Variants in IRAK3 observed in about 807,000 individuals in gnomAD.
IRAK3 encodes interleukin 1 receptor associated kinase 3.
IRAK3 carries 57 observed loss-of-function variants against 56.6 expected under a neutral mutation model. The ratio of observed to expected loss-of-function variants is 1.01; its 90% CI spans 0.81 to 1.26. The LOEUF (loss-of-function observed/expected upper bound fraction) is 1.26. IRAK3 is among the 50% of genes most tolerant of loss of function. The pLI is 0.00. For synonymous variants in IRAK3, 258 were observed against 255.7 expected, an observed-to-expected ratio of 1.01 and a Z score of -0.09; for missense variants, 703 against 719.0, an observed-to-expected ratio of 0.98 and a Z score of 0.25.
At chr12:66,231,307 T>G (rs868823790) in intron 8 of IRAK3, among the ~76,000 whole-genome samples, 1 of 151,786 alleles carries the variant, frequency 6.6e-6, no homozygotes, top group Non-Finnish European at 1.5e-5. Context: ...AAGCCAGGAG[T>G]TCAAGACCAG....
chr12:66,241,098 G>A (rs1370712758), intron 8 of IRAK3, among the ~76,000 whole-genome samples: 1 of 152,056 alleles, frequency 6.6e-6, no homozygotes, highest in Non-Finnish European at 1.5e-5. Flanking sequence ...AATTGTCCTA[G>A]AGACCCCTAC....
Position 66,248,114 on chromosome 12 carries a change from G to T in IRAK3, c.1734G>T (p.Glu578Asp). 1 of 1,611,386 alleles carries T rather than the reference G, an allele frequency of 6.2e-7. No individual in the cohort carries two copies. The highest frequency in any genetic ancestry group is 8.5e-7 in the Non-Finnish European group (1 of 1,178,922). Residue 578 changes from glutamate to aspartate, a missense_variant, in exon 12 of 12, where the codon GAG becomes GAT. By Grantham distance (45) the Glu-to-Asp change is conservative. Transcript: ENST00000261233. ...ATTCTTGCAGGAGCAGGCCAGTGGAGAGCAGCTGTTCCTCCAAATTTTCCT... is the reference window on the plus strand; with the variant it reads ...ATTCTTGCAGGAGCAGGCCAGTGGATAGCAGCTGTTCCTCCAAATTTTCCT... ...PGHSCRSRPVESSCSSKFSWD... is the reference protein window; with the variant it reads ...PGHSCRSRPVDSSCSSKFSWD...
rs1343642050 is a variant in IRAK3 at position 66,244,524 on chromosome 12, T to G, written c.926T>G (p.Leu309Arg). The G allele has an allele frequency of 1.2e-6, 2 of 1,614,184 alleles. No individual in the cohort carries two copies. Among genetic ancestry groups the G allele is most frequent in the Non-Finnish European group, 1.7e-6 (2 of 1,179,992 alleles). The change falls in exon 9 of 12, where the codon CTA becomes CGA. Residue 309 changes from leucine (L) to arginine (R), a missense_variant. By Grantham distance (102) the Leu-to-Arg change is moderately radical. Coordinates refer to ENST00000261233, the MANE Select transcript of IRAK3 (RefSeq NM_007199.3). Reference protein sequence around the residue: ...ILLDDQFQPKLTDFAMAHFRS... With the variant: ...ILLDDQFQPKRTDFAMAHFRS... ...TTGGATGATCAGTTTCAACCCAAAC[T>G]AACTGATTTTGCCATGGCACACTTC...
In IRAK3 at chr12:66,244,499, T is replaced by G; in HGVS notation, c.901T>G (p.Leu301Val). Residue 301 changes from leucine (L) to valine (V), a missense_variant, in exon 9 of 12, where the codon TTG becomes GTG. Leu to Val is a conservative substitution (Grantham distance 32). Coordinates refer to ENST00000261233, the MANE Select transcript of IRAK3 (RefSeq NM_007199.3). The stretch of plus-strand genomic sequence containing the variant: ...TCACAATTTTAGTGCAAACATCCTT[T>G]TGGATGATCAGTTTCAACCCAAACT... ...CGSISSANIL[L>V]DDQFQPKLTD... 6.2e-7 allele frequency: 1 copy of G among 1,613,996 alleles called. No homozygotes were observed. Among genetic ancestry groups the G allele is most frequent in the Admixed American group, 1.7e-5 (1 of 60,028 alleles).
chr12:66,234,321 T>C lies in IRAK3; in HGVS notation c.887+5951T>C, dbSNP rs534938876. On this transcript the variant is annotated intron_variant, in intron 8 of 11. Coordinates refer to ENST00000261233, the MANE Select transcript of IRAK3 (RefSeq NM_007199.3). ...GGCTGTAGTGACATGGTGTGCTCCATTGAGGGAGTTAACACGGCACCGGGG... is the reference window on the plus strand; with the variant it reads ...GGCTGTAGTGACATGGTGTGCTCCACTGAGGGAGTTAACACGGCACCGGGG... The C allele has an allele frequency of 8.7e-6, 14 of 1,612,660 alleles. No homozygotes were observed. The African/African-American group carries it at 1.2e-4, about 14-fold the overall frequency.
chr12:66,219,369 G>C (rs1272406671), intron 6 of IRAK3, among the ~76,000 whole-genome samples: 4 of 152,132 alleles, frequency 2.6e-5, no homozygotes, highest in African/African-American at 9.7e-5. Flanking sequence ...AGTCTCACAA[G>C]ATCTGATGGT....
chr12:66,192,536 A>G (rs935608420), intron 1 of IRAK3, among the ~76,000 whole-genome samples: 2 of 152,238 alleles, frequency 1.3e-5, no homozygotes, highest in Non-Finnish European at 2.9e-5. Flanking sequence ...CTCAACACTT[A>G]CGATGTACTG....
chr12:66,226,271 C>T (rs151311561), intron 6 of IRAK3, among the ~76,000 whole-genome samples: 27 of 150,722 alleles, frequency 1.8e-4, no homozygotes, highest in Admixed American at 1.3e-3. Flanking sequence ...GGTGGAGTCT[C>T]GCTCTTGTCG....
chr12:66,199,321 T>C (rs1044978383), intron 1 of IRAK3, among the ~76,000 whole-genome samples: 3 of 152,232 alleles, frequency 2.0e-5, no homozygotes, highest in Middle Eastern at 3.2e-3. Context: ...CATAGGTCGA[T>C]GGCAGTGCCA....
chr12:66,215,788 A>ACGTGCACGTGCGCGTGCGCG (rs375264640), intron 5 of IRAK3, among the ~76,000 whole-genome samples: 1 of 131,612 alleles, frequency 7.6e-6, no homozygotes, highest in Non-Finnish European at 1.7e-5. Context: ...CCCAACATGC[A>ACGTGCACGTGCGCGTGCGCG]CACACACACA....
chr12:66,228,325 T>C lies in IRAK3; in HGVS notation c.842T>C (p.Leu281Pro), dbSNP rs140228894. The stretch of plus-strand genomic sequence containing the variant: ...GGAATATCCAAAGCCATTCACTACC[T>C]GCACAACGTTCAACCATGCTCGGTC... ...LIGISKAIHYLHNVQPCSVIC... is the reference protein window; with the variant it reads ...LIGISKAIHYPHNVQPCSVIC... Residue 281 changes from leucine (L) to proline (P), a missense_variant, in exon 8 of 12, where the codon CTG (leucine) becomes CCG (proline). By Grantham distance (98) the Leu-to-Pro change is moderately conservative (BLOSUM62 -3). Transcript: ENST00000261233. The C allele has an allele frequency of 5.0e-5, 80 of 1,614,126 alleles. No homozygotes were observed. In the East Asian group the frequency reaches 1.7e-3, roughly 34 times the overall value.
chr12:66,195,564 C>T (rs1434015119), intron 1 of IRAK3, among the ~76,000 whole-genome samples: 2 of 152,194 alleles, frequency 1.3e-5, no homozygotes, highest in African/African-American at 2.4e-5. Context: ...TCCTTGAACA[C>T]GCAAGGAACG....
At chr12:66,199,137 G>C (rs192291667) in intron 1 of IRAK3, among the ~76,000 whole-genome samples, 1 of 152,154 alleles carries the variant, frequency 6.6e-6, no homozygotes, top group Non-Finnish European at 1.5e-5. Context: ...TCTCTTGTTG[G>C]AATGTTCATT....
At position 66,253,612 on chromosome 12, in the gene IRAK3, T is replaced by C. The variant is rs765995634; in HGVS notation, c.*5441T>C. 1 of 152,236 alleles carries C rather than the reference T, an allele frequency of 6.6e-6. No homozygotes were observed. Among genetic ancestry groups the C allele is most frequent in the African/African-American group, 2.4e-5 (1 of 41,468 alleles). The allele number at this position is 152,236 out of a possible 1,614,324, so 9.4% of individuals were successfully genotyped here. On this transcript the variant is annotated 3_prime_UTR_variant, in exon 12 of 12. Coordinates refer to ENST00000261233, the MANE Select transcript of IRAK3 (RefSeq NM_007199.3). ...CTGGTCGTCTCTATAAATAGCAAGATAATATTTACAGAGTTTTACATTGGC... is the reference window on the plus strand; with the variant it reads ...CTGGTCGTCTCTATAAATAGCAAGACAATATTTACAGAGTTTTACATTGGC...
chr12:66,201,608 A>G (rs567253154), intron 1 of IRAK3, among the ~76,000 whole-genome samples: 1 of 152,316 alleles, frequency 6.6e-6, no homozygotes, highest in South Asian at 2.1e-4. Context: ...TAAAATTTGG[A>G]AGTTGTGCAG....
intron 1 of IRAK3, among the ~76,000 whole-genome samples, chr12:66,189,988 T>A (rs1336011339): frequency 6.6e-6 from 1 of 152,214 alleles, no homozygotes; most frequent in Non-Finnish European, 1.5e-5. Context: ...AAAGGGTGGC[T>A]TTTTATTTTA....
intron 8 of IRAK3, among the ~76,000 whole-genome samples, chr12:66,238,491 A>G (rs1202365370): frequency 1.3e-5 from 2 of 152,228 alleles, no homozygotes; most frequent in African/African-American, 4.8e-5. Context: ...GAGTCCAATC[A>G]TCATGCACTT....
intron 8 of IRAK3, chr12:66,234,916 A>G (rs953340607): frequency 5.0e-6 from 8 of 1,613,982 alleles, no homozygotes; most frequent in East Asian, 4.5e-5. Flanking sequence ...CTTGAACCCC[A>G]CTGGCCTTCA....
chr12:66,215,791 C>T (rs1447409451), intron 5 of IRAK3, among the ~76,000 whole-genome samples: 5 of 30,872 alleles, frequency 1.6e-4, no homozygotes, highest in African/African-American at 4.3e-4. Flanking sequence ...AACATGCACA[C>T]ACACACACAC....
Sources: gnomAD v4.1 joint callset for allele counts (sites outside exome capture counted in the v4.1 genomes callset) on GRCh38, gnomAD v4.1.1 for gene constraint, MANE v1.5 for transcripts, NCBI Gene and HGNC (gene_info 2026-07-23, HGNC 2026-07-21) for gene names.